C2CD3: variants seen among roughly 807,000 people sequenced by gnomAD.
C2CD3 encodes C2 domain-containing protein 3.
A neutral mutation model predicts 234.0 loss-of-function variants in C2CD3; 148 were observed. The observed-to-expected ratio is 0.63, with a 90% CI of 0.55 to 0.72. C2CD3 has a LOEUF of 0.72. Ranked by LOEUF, C2CD3 falls within the 30% of genes least tolerant of loss-of-function variation. The pLI is 0.00. For missense variants in C2CD3, 2,577 were observed against 2,811.5 expected (o/e 0.92, Z 1.89); for synonymous variants, 1,000 against 1,035.4 (o/e 0.97, Z 0.66).
rs267603186 is a variant in C2CD3 at position 74,078,674 on chromosome 11, G to C, written c.4044C>G (p.Gly1348=). 6.2e-7 allele frequency: 1 copy of C among 1,611,768 alleles called. No individual in the cohort carries two copies. Among genetic ancestry groups the C allele is most frequent in the African/African-American group, 1.3e-5 (1 of 74,742 alleles). ...WYPIILPEDG[G]LPHGLELMQK... Reference sequence around the variant, plus strand: ...GCATGAGCTCCAGGCCATGAGGTAGGCCCCCGTCTTCTGGTAAAATGATAG... The same window carrying C: ...GCATGAGCTCCAGGCCATGAGGTAGCCCCCCGTCTTCTGGTAAAATGATAG... The change falls in exon 23 of 33, where the codon GGC becomes GGG. Residue 1348 remains glycine, a synonymous_variant. Coordinates refer to ENST00000334126, the MANE Select transcript of C2CD3 (RefSeq NM_001286577.2).
chr11:74,108,874 GTAATAA>G (rs1375988070), intron 12 of C2CD3, among the ~76,000 whole-genome samples, 154 bp downstream of exon 12: 1 of 150,700 alleles, frequency 6.6e-6, no homozygotes, highest in East Asian at 1.9e-4. Flanking sequence ...ATTAGTAGTA[GTAATAA>G]TAATAATGAT....
intron 11 of C2CD3, 97 bp downstream of exon 11, chr11:74,113,683 A>G (rs1176541902): frequency 1.8e-6 from 1 of 564,856 alleles, no homozygotes; most frequent in Non-Finnish European, 3.0e-6. Flanking sequence ...CCATGTCAAA[A>G]AAAAAAAAAA....
chr11:74,016,416 G>C (rs1363096386), intron 32 of C2CD3, among the ~76,000 whole-genome samples: 1 of 152,206 alleles, frequency 6.6e-6, no homozygotes, highest in Non-Finnish European at 1.5e-5. Flanking sequence ...CCTACTGGCT[G>C]GGCCATATCT....
At chr11:74,133,287 T>C in intron 6 of C2CD3, 138 bp downstream of exon 6, 7 of 770,512 alleles carry the variant, frequency 9.1e-6, no homozygotes, top group African/African-American at 1.8e-5. Context: ...TAACTCCTAG[T>C]GTAGGCTTCT....
chr11:74,025,446 A>C (rs936076897), intron 32 of C2CD3, among the ~76,000 whole-genome samples: 7 of 152,286 alleles, frequency 4.6e-5, no homozygotes, highest in African/African-American at 1.7e-4. Flanking sequence ...AAAAATACAA[A>C]AATGCTCCTG....
At chr11:74,142,922 T>C (rs1854903207) in intron 3 of C2CD3, among the ~76,000 whole-genome samples, 1 of 152,222 alleles carries the variant, frequency 6.6e-6, no homozygotes, top group African/African-American at 2.4e-5. Flanking sequence ...AGAATTTCTA[T>C]TTTATACAAA....
intron 7 of C2CD3, among the ~76,000 whole-genome samples, chr11:74,127,366 C>T (rs1957446726): frequency 6.6e-6 from 1 of 152,198 alleles, no homozygotes; most frequent in African/African-American, 2.4e-5. Context: ...CAGTACTTCA[C>T]CTTGATGGCC....
intron 26 of C2CD3, among the ~76,000 whole-genome samples, chr11:74,052,142 T>C (rs1953721768): frequency 6.6e-6 from 1 of 152,204 alleles, no homozygotes. Context: ...TAGTGGTCAG[T>C]GTGGTCTAGG....
At chr11:74,161,218 A>C (rs527491379) in intron 3 of C2CD3, among the ~76,000 whole-genome samples, 181 bp downstream of exon 3, 2 of 152,302 alleles carry the variant, frequency 1.3e-5, no homozygotes, top group East Asian at 1.9e-4. Context: ...TAAGGCACTA[A>C]GAGGATTTGG....
chr11:74,131,390 G>A (rs1957676665), intron 7 of C2CD3, among the ~76,000 whole-genome samples: 1 of 151,330 alleles, frequency 6.6e-6, no homozygotes, highest in Non-Finnish European at 1.5e-5. Flanking sequence ...AGATAATGGT[G>A]GATCACATAT....
chr11:74,047,524 G>C (rs1359077945), intron 28 of C2CD3, among the ~76,000 whole-genome samples: 2 of 152,208 alleles, frequency 1.3e-5, no homozygotes, highest in African/African-American at 4.8e-5. Context: ...TGATCAAGTA[G>C]AAAACTATGT....
chr11:74,036,171 C>G (rs1463617787), intron 30 of C2CD3: 2 of 268,020 alleles, frequency 7.5e-6, no homozygotes, highest in Non-Finnish European at 1.5e-5. Context: ...CAATTCCCTT[C>G]TCTCTCCTCT....
At chr11:74,046,386 CAGGCTGA>C (rs1172354015) in intron 28 of C2CD3, among the ~76,000 whole-genome samples, 10 of 152,178 alleles carry the variant, frequency 6.6e-5, no homozygotes, top group Non-Finnish European at 1.3e-4. Context: ...CTCTGTCACT[CAGGCTGA>C]AGTGCAGTGG....
At chr11:74,041,655 A>G (rs558142015) in intron 29 of C2CD3, among the ~76,000 whole-genome samples, 26 of 152,312 alleles carry the variant, frequency 1.7e-4, no homozygotes, top group Non-Finnish European at 2.4e-4. Flanking sequence ...CACCCTTTCA[A>G]TTCTCACAGC....
chr11:74,158,484 A>T (rs1216380593), intron 3 of C2CD3, among the ~76,000 whole-genome samples: 1 of 152,182 alleles, frequency 6.6e-6, no homozygotes, highest in African/African-American at 2.4e-5. Flanking sequence ...GCACTTTGGG[A>T]GGCCAAGGCG....
At chr11:74,041,811 T>C (rs1347815106) in intron 29 of C2CD3, among the ~76,000 whole-genome samples, 1 of 152,122 alleles carries the variant, frequency 6.6e-6, no homozygotes, top group Admixed American at 6.5e-5. Context: ...AGCTCCTACA[T>C]TTACAGGTGC....
chr11:74,090,060 G>A (rs988841592), intron 20 of C2CD3, among the ~76,000 whole-genome samples: 2 of 152,154 alleles, frequency 1.3e-5, no homozygotes, highest in East Asian at 1.9e-4. Flanking sequence ...GGCCTTGAGA[G>A]GAAAATATGC....
chr11:74,015,113 G>A (rs1230139860), intron 32 of C2CD3, among the ~76,000 whole-genome samples: 1 of 152,200 alleles, frequency 6.6e-6, no homozygotes, highest in African/African-American at 2.4e-5. Context: ...GGAGGCCAGT[G>A]GCCAGCCTCT....
rs749819385 is a variant in C2CD3 at position 74,049,320 on chromosome 11, T to G, written c.5361+17A>C. The G allele has an allele frequency of 6.2e-7, 1 of 1,605,362 alleles. No homozygotes were observed. The highest frequency in any genetic ancestry group is 2.2e-5 in the East Asian group (1 of 44,858). ...GTACAATTCGTATTGGTTAGGGATGTGAATCTCCATACATACCAGTGATTT... is the reference window on the plus strand; with the variant it reads ...GTACAATTCGTATTGGTTAGGGATGGGAATCTCCATACATACCAGTGATTT... On this transcript the variant is annotated intron_variant, in intron 27 of 32. Transcript: ENST00000334126.
Sources: gnomAD v4.1 joint callset for allele counts (sites outside exome capture counted in the v4.1 genomes callset) on GRCh38, gnomAD v4.1.1 for gene constraint, MANE v1.5 for transcripts, NCBI Gene and HGNC (gene_info 2026-07-23, HGNC 2026-07-21) for gene names.